SSBP2: variants seen among roughly 807,000 people sequenced by gnomAD.
SSBP2 encodes single-stranded DNA-binding protein 2.
A neutral mutation model predicts 61.8 loss-of-function variants in SSBP2; 17 were observed. That is an observed-to-expected ratio of 0.28 (90% CI 0.19 to 0.41). The LOEUF is 0.41. Ranked by LOEUF, SSBP2 falls within the 10% of genes least tolerant of loss-of-function variation. SSBP2 has a pLI of 1.00. For synonymous variants in SSBP2, 139 were observed against 141.3 expected, an observed-to-expected ratio of 0.98 and a Z score of 0.12; for missense variants, 310 against 458.7, an observed-to-expected ratio of 0.68 and a Z score of 2.96.
At chr5:81,561,652 G>C (rs919962902) in intron 4 of SSBP2, among the ~76,000 whole-genome samples, 1 of 151,762 alleles carries the variant, frequency 6.6e-6, no homozygotes, top group Non-Finnish European at 1.5e-5. Context: ...TGTTTTCAGT[G>C]ACCCTATATT....
intron 1 of SSBP2, among the ~76,000 whole-genome samples, chr5:81,675,610 C>A (rs380946): frequency 0.38 from 57,586 of 151,906 alleles, 11,313 homozygotes; most frequent in Middle Eastern, 0.58. Context: ...GTTACTTTTA[C>A]GTTTTTTGTT....
At chr5:81,460,431 T>C (rs549169591) in intron 10 of SSBP2, among the ~76,000 whole-genome samples, 16 of 152,324 alleles carry the variant, frequency 1.1e-4, no homozygotes, top group African/African-American at 3.1e-4. Context: ...TTAAGATCGA[T>C]AGCTTAATTT....
chr5:81,693,215 A>AG (rs1753349721), intron 1 of SSBP2, among the ~76,000 whole-genome samples: 1 of 151,514 alleles, frequency 6.6e-6, no homozygotes, highest in Non-Finnish European at 1.5e-5. Context: ...AAAAAAAAAA[A>AG]AAAAAAAAGA....
intron 1 of SSBP2, among the ~76,000 whole-genome samples, chr5:81,708,171 C>G (rs374695420): frequency 3.9e-5 from 6 of 152,090 alleles, no homozygotes; most frequent in Non-Finnish European, 7.4e-5. Context: ...ATTCCAGAAA[C>G]TGGCTAAATC....
chr5:81,608,755 C>A (rs1745133471), intron 4 of SSBP2, among the ~76,000 whole-genome samples: 1 of 151,764 alleles, frequency 6.6e-6, no homozygotes, highest in Non-Finnish European at 1.5e-5. Context: ...AACCAAGAAC[C>A]CTTGAGAATT....
Position 81,529,358 on chromosome 5 carries a change from T to A in SSBP2, c.283-15641A>T, listed in dbSNP as rs192844513. Among the ~76,000 whole-genome samples, 436 of 152,272 alleles carry A rather than the reference T, an allele frequency of 2.9e-3. 3 individuals carry two copies. The highest frequency in any genetic ancestry group is 0.01 in the African/African-American group (417 of 41,576). On this transcript the variant is annotated intron_variant, in intron 4 of 16. Transcript: ENST00000320672. The stretch of plus-strand genomic sequence containing the variant: ...GTACATTTCATTGCCTTGGTAAAAA[T>A]ATTACATATTCTTTCTATGTTTGTG...
In SSBP2 at chr5:81,586,574, T is replaced by C. The variant is rs117327947; in HGVS notation, c.282+28899A>G. On this transcript the variant is annotated intron_variant, in intron 4 of 16. Transcript: ENST00000320672. ...ATTCCAGTTCTGTATTGATTCTAAATAGAACTTTTGGATGTTTTCTGTAAG... is the reference window on the plus strand; with the variant it reads ...ATTCCAGTTCTGTATTGATTCTAAACAGAACTTTTGGATGTTTTCTGTAAG... Among the ~76,000 whole-genome samples the C allele has an allele frequency of 4.7e-4, 68 of 145,488 alleles. No homozygotes were observed. In the East Asian group the frequency reaches 0.014, roughly 29 times the overall value.
At chr5:81,584,745 G>C (rs1176235750) in intron 4 of SSBP2, among the ~76,000 whole-genome samples, 1 of 152,124 alleles carries the variant, frequency 6.6e-6, no homozygotes, top group East Asian at 1.9e-4. Flanking sequence ...GAATAGATAA[G>C]AGCAAACTGA....
At position 81,657,737 on chromosome 5, in the gene SSBP2, A is replaced by G. The variant is rs571796264; in HGVS notation, c.63-7398T>C. Among the ~76,000 whole-genome samples, 3 of 152,324 alleles carry G rather than the reference A, an allele frequency of 2.0e-5. No individual in the cohort carries two copies. In the South Asian group the frequency reaches 6.2e-4, roughly 32 times the overall value. ...ATTAAACTTTGTGGCACTCTAAACA[A>G]ATATCGAAGGTATTCAGCTATATAA... is the stretch of plus-strand genomic sequence containing the variant. On this transcript the variant is annotated intron_variant, in intron 1 of 16. Transcript: ENST00000320672.
At chr5:81,437,757 T>A (rs1762763499) in intron 14 of SSBP2, 1 of 195,972 alleles carries the variant, frequency 5.1e-6, no homozygotes, top group Non-Finnish European at 1.0e-5. Flanking sequence ...CCATTTTATA[T>A]ACCCTACCCA....
At chr5:81,557,440 T>C (rs962236107) in intron 4 of SSBP2, among the ~76,000 whole-genome samples, 3 of 152,154 alleles carry the variant, frequency 2.0e-5, no homozygotes, top group Non-Finnish European at 4.4e-5. Context: ...CTGTCCTCCT[T>C]ATCTCTCTCC....
At chr5:81,616,253 C>T (rs1036641189) in intron 3 of SSBP2, 23 of 147,700 alleles carry the variant, frequency 1.6e-4, no homozygotes, top group African/African-American at 2.3e-4. Flanking sequence ...GCGCACCGTG[C>T]GCGAGCCGAA....
chr5:81,701,571 T>G (rs1263858664), intron 1 of SSBP2, among the ~76,000 whole-genome samples: 1 of 152,202 alleles, frequency 6.6e-6, no homozygotes, highest in Non-Finnish European at 1.5e-5. Flanking sequence ...GGTGCACCTG[T>G]ACTATGTGCC....
intron 2 of SSBP2, among the ~76,000 whole-genome samples, chr5:81,640,450 TAAA>T (rs1748682843): frequency 6.6e-6 from 1 of 152,080 alleles, no homozygotes; most frequent in African/African-American, 2.4e-5. Flanking sequence ...ATATGAACAA[TAAA>T]CCAGAACACA....
chr5:81,694,053 G>C (rs1753416012), intron 1 of SSBP2, among the ~76,000 whole-genome samples: 1 of 152,188 alleles, frequency 6.6e-6, no homozygotes, highest in African/African-American at 2.4e-5. Flanking sequence ...AGGACATTAT[G>C]TTAAGTGAAA....
chr5:81,509,465 T>A (rs1275559058), intron 5 of SSBP2, among the ~76,000 whole-genome samples: 1 of 152,208 alleles, frequency 6.6e-6, no homozygotes, highest in African/African-American at 2.4e-5. Flanking sequence ...TAACTATATG[T>A]ATTTTGACAT....
At chr5:81,561,756 T>G (rs1031998242) in intron 4 of SSBP2, among the ~76,000 whole-genome samples, 1 of 152,188 alleles carries the variant, frequency 6.6e-6, no homozygotes, top group African/African-American at 2.4e-5. Flanking sequence ...AATTGTATAC[T>G]GTAAATGCCT....
chr5:81,557,589 T>G (rs1313077449), intron 4 of SSBP2, among the ~76,000 whole-genome samples: 1 of 152,176 alleles, frequency 6.6e-6, no homozygotes, highest in East Asian at 1.9e-4. Context: ...CAGTTTCTAT[T>G]GCTATGTCTT....
intron 2 of SSBP2, among the ~76,000 whole-genome samples, chr5:81,640,671 C>T (rs1038635737): frequency 1.3e-5 from 2 of 151,786 alleles, no homozygotes; most frequent in Admixed American, 1.3e-4. Context: ...TAGTCAAAAA[C>T]CTATGTCTCA....
Sources: allele counts gnomAD v4.1 joint callset (sites outside exome capture counted in the v4.1 genomes callset), GRCh38; gene constraint gnomAD v4.1.1; transcripts MANE v1.5; gene names NCBI Gene and HGNC (gene_info 2026-07-23, HGNC 2026-07-21).